FRMD5: variants seen among roughly 807,000 people sequenced by gnomAD.
The protein encoded by FRMD5 is FERM domain-containing protein 5.
In FRMD5, 20 loss-of-function variants were observed where a neutral mutation model predicts 69.0. That is an observed-to-expected ratio of 0.29 (90% CI 0.20 to 0.42). The LOEUF is 0.42. FRMD5 is among the 10% of genes least tolerant of loss of function. FRMD5 has a pLI of 1.00. For synonymous variants in FRMD5, 271 were observed against 260.1 expected, an observed-to-expected ratio of 1.04 and a Z score of -0.40; for missense variants, 595 against 708.6, an observed-to-expected ratio of 0.84 and a Z score of 1.82.
In FRMD5 at chr15:44,144,094, A is replaced by G. The variant is rs368227725; in HGVS notation, c.102+50859T>C. On this transcript the variant is annotated intron_variant, in intron 1 of 13. Transcript: ENST00000417257. ...ACTTTTCAGTGTCCAAAAAAGTGGC[A>G]TTCAATAATTTTTAAATTTTATCTG... Among the ~76,000 whole-genome samples the G allele has an allele frequency of 5.3e-4, 80 of 152,242 alleles. 1 individual carries two copies. In the East Asian group the frequency reaches 0.011, roughly 22 times the overall value.
intron 1 of FRMD5, among the ~76,000 whole-genome samples, chr15:44,107,047 T>A (rs1209741613): frequency 6.6e-6 from 1 of 152,224 alleles, no homozygotes; most frequent in Non-Finnish European, 1.5e-5. Context: ...AAAATATCTG[T>A]GACTCCAAGG....
At chr15:43,995,134 A>G (rs1277265461) in intron 1 of FRMD5, among the ~76,000 whole-genome samples, 1 of 152,234 alleles carries the variant, frequency 6.6e-6, no homozygotes, top group Admixed American at 6.5e-5. Flanking sequence ...ATAAAACAAT[A>G]TAGTATTTGC....
intron 1 of FRMD5, among the ~76,000 whole-genome samples, chr15:44,056,354 A>C (rs1196159114): frequency 1.3e-5 from 2 of 152,184 alleles, no homozygotes; most frequent in Non-Finnish European, 2.9e-5. Context: ...GTGAAAATAA[A>C]CTCTAAATAG....
intron 13 of FRMD5, chr15:43,876,143 A>G: frequency 3.2e-6 from 5 of 1,580,414 alleles, no homozygotes; most frequent in Non-Finnish European, 4.3e-6. Flanking sequence ...CTGCATTGCC[A>G]CCACCTTTGG....
intron 1 of FRMD5, among the ~76,000 whole-genome samples, chr15:44,062,711 T>G (rs1020801686): frequency 7.0e-6 from 1 of 143,290 alleles, no homozygotes; most frequent in African/African-American, 2.5e-5. Context: ...AAAAAAAGTA[T>G]ATGGGAGAAT....
At chr15:43,887,806 A>G (rs535006265) in intron 10 of FRMD5, among the ~76,000 whole-genome samples, 83 of 152,222 alleles carry the variant, frequency 5.5e-4, no homozygotes, top group Non-Finnish European at 8.5e-4. Flanking sequence ...TCTTGCCTTG[A>G]CCTCATTCAG....
intron 1 of FRMD5, among the ~76,000 whole-genome samples, chr15:44,037,719 C>T (rs560859319): frequency 1.9e-4 from 29 of 152,006 alleles, no homozygotes; most frequent in Admixed American, 1.9e-3. Flanking sequence ...CATGATCCAC[C>T]TGCCTCGGCC....
At chr15:44,025,070 T>G (rs937119752) in intron 1 of FRMD5, among the ~76,000 whole-genome samples, 2 of 152,170 alleles carry the variant, frequency 1.3e-5, no homozygotes, top group African/African-American at 4.8e-5. Flanking sequence ...AGAAGTGGGG[T>G]AGTAATACTT....
chr15:43,921,269 G>A (rs562700831), intron 2 of FRMD5, among the ~76,000 whole-genome samples: 1 of 152,306 alleles, frequency 6.6e-6, no homozygotes, highest in Non-Finnish European at 1.5e-5. Context: ...CAGTGCCAGG[G>A]ATTCAGTACA....
chr15:44,099,762 G>A (rs141963998), intron 1 of FRMD5, among the ~76,000 whole-genome samples: 1 of 152,118 alleles, frequency 6.6e-6, no homozygotes, highest in Non-Finnish European at 1.5e-5. Flanking sequence ...GGTACTTTTA[G>A]GCTTGCTATG....
upstream of FRMD5, among the ~76,000 whole-genome samples, chr15:44,196,549 T>A (rs1036555803): frequency 2.6e-5 from 4 of 152,298 alleles, no homozygotes; most frequent in Admixed American, 2.0e-4. Flanking sequence ...AGGCATAATT[T>A]CCTATTACTT....
chr15:44,058,785 C>CAA (rs34213454), intron 1 of FRMD5, among the ~76,000 whole-genome samples: 2,049 of 122,282 alleles, frequency 0.017, 64 homozygotes, highest in East Asian at 0.1. Flanking sequence ...GACTCCGTCT[C>CAA]AAAAAAAAAA....
intron 1 of FRMD5, among the ~76,000 whole-genome samples, chr15:44,150,469 G>A (rs974377323): frequency 6.6e-6 from 1 of 150,504 alleles, no homozygotes; most frequent in East Asian, 1.9e-4. Context: ...TGAATTCATC[G>A]AAGTCTCAGG....
At chr15:44,002,305 T>C (rs1890248892) in intron 1 of FRMD5, among the ~76,000 whole-genome samples, 1 of 152,092 alleles carries the variant, frequency 6.6e-6, no homozygotes, top group South Asian at 2.1e-4. Flanking sequence ...GTTAAGAAAG[T>C]ATGTTTGAGG....
At chr15:43,968,805 T>A (rs1328992565) in intron 1 of FRMD5, among the ~76,000 whole-genome samples, 1 of 152,264 alleles carries the variant, frequency 6.6e-6, no homozygotes, top group Non-Finnish European at 1.5e-5. Flanking sequence ...CTAAGGACAC[T>A]ATCATTTCAC....
At chr15:44,136,778 T>C (rs1237866466) in intron 1 of FRMD5, among the ~76,000 whole-genome samples, 1 of 152,182 alleles carries the variant, frequency 6.6e-6, no homozygotes, top group Non-Finnish European at 1.5e-5. Context: ...ATAATGGTTT[T>C]ACATACCAAG....
At chr15:43,915,875 G>T (rs931791485) in intron 4 of FRMD5, among the ~76,000 whole-genome samples, 5 of 152,192 alleles carry the variant, frequency 3.3e-5, no homozygotes, top group African/African-American at 1.2e-4. Flanking sequence ...CAGCAAGGTG[G>T]GATGGAGGGC....
chr15:44,188,099 C>A (rs1407282100), intron 1 of FRMD5, among the ~76,000 whole-genome samples: 1 of 152,090 alleles, frequency 6.6e-6, no homozygotes, highest in Non-Finnish European at 1.5e-5. Context: ...CTTTTCCTTT[C>A]CCCTAGTGCG....
chr15:43,961,978 C>T (rs1213914289), intron 1 of FRMD5, among the ~76,000 whole-genome samples: 1 of 152,124 alleles, frequency 6.6e-6, no homozygotes, highest in Non-Finnish European at 1.5e-5. Context: ...GGAAGCATTC[C>T]CTTTGAAAAC....
Sources: gnomAD v4.1 joint callset for allele counts (sites outside exome capture counted in the v4.1 genomes callset) on GRCh38, gnomAD v4.1.1 for gene constraint, MANE v1.5 for transcripts, NCBI Gene and HGNC (gene_info 2026-07-23, HGNC 2026-07-21) for gene names.